The following C16orf86 variants were observed in gnomAD, a reference collection of about 807,000 sequenced individuals.
The protein encoded by C16orf86 is uncharacterized protein C16orf86.
Under a neutral mutation model 21.5 loss-of-function variants are expected in C16orf86, and 19 were observed. The ratio of observed to expected loss-of-function variants is 0.88; its 90% confidence interval spans 0.62 to 1.30. C16orf86 has a LOEUF of 1.30. C16orf86 is among the 50% of genes most tolerant of loss of function. The pLI is 0.00. For synonymous variants in C16orf86, 188 were observed against 183.5 expected, an observed-to-expected ratio of 1.02 and a Z score of -0.20; for missense variants, 391 against 415.8, an observed-to-expected ratio of 0.94 and a Z score of 0.52.
At chr16:67,667,102 A>T (rs764018602) in intron 1 of C16orf86, 30 bp downstream of exon 1, 1 of 1,452,688 alleles carries the variant, frequency 6.9e-7, no homozygotes, top group African/African-American at 1.4e-5. Context: ...ACCTTCAAAC[A>T]CAGGGCCGCA....
At position 67,668,044 on chromosome 16, in the gene C16orf86, C is replaced by G; in HGVS notation, c.499C>G (p.Leu167Val). The change falls in exon 3 of 4, where the codon CTC becomes GTC. Residue 167 changes from leucine to valine, a missense_variant. Leu to Val is a conservative substitution (Grantham distance 32). Transcript: ENST00000403458. ...GCGCAAGAGCCTGGGGGCTCCCGTG[C>G]TCCACGCTGTGGCCAGCATGGTGTC... ...KKRKSLGAPV[L>V]HAVASMVSAP... 1 of 1,612,838 alleles carries G rather than the reference C, an allele frequency of 6.2e-7. No homozygotes were observed. Among genetic ancestry groups the G allele is most frequent in the Non-Finnish European group, 8.5e-7 (1 of 1,179,682 alleles).
In C16orf86 at chr16:67,668,236, T is replaced by C. The variant is rs762911266; in HGVS notation, c.590T>C (p.Val197Ala). The change falls in exon 4 of 4, where the codon GTC becomes GCC. Residue 197 changes from valine to alanine, a missense_variant. Val to Ala is a moderately conservative substitution (Grantham distance 64). Transcript: ENST00000403458. ...AQRLRPLYQY[V>A]NYCNPELNQA... ...CGCCTGCGGCCGCTGTACCAGTACG[T>C]CAACTATTGCAACCCTGAGCTGAAC... 5.6e-6 allele frequency: 9 copies of C among 1,593,888 alleles called. No homozygotes were observed. The highest frequency in any genetic ancestry group is 6.8e-6 in the Non-Finnish European group (8 of 1,169,404).
chr16:67,667,310 A>T lies in C16orf86; in HGVS notation c.117A>T (p.Gly39=), dbSNP rs763006890. ...GTCATCTCTAGTGTCCAGTGGCGGGAGACCAGTTCCTGGTGCCTGCCCATG... is the reference window on the plus strand; with the variant it reads ...GTCATCTCTAGTGTCCAGTGGCGGGTGACCAGTTCCTGGTGCCTGCCCATG... The part of the protein sequence containing the change: ...SAQTSECPVA[G]DQFLVPAHEA... Residue 39 remains glycine, a synonymous_variant, in exon 2 of 4, where the codon GGA becomes GGT. Transcript: ENST00000403458. 8 of 1,603,440 alleles carry T rather than the reference A, an allele frequency of 5.0e-6. No homozygotes were observed. The highest frequency in any genetic ancestry group is 6.0e-6 in the Non-Finnish European group (7 of 1,176,402).
chr16:67,667,292 C>A lies in C16orf86; in HGVS notation c.103-4C>A, dbSNP rs760818364. 1.9e-6 allele frequency: 3 copies of A among 1,612,534 alleles called. No individual in the cohort carries two copies. ...GTGACCGATGGCCTGTGTGTCATCT[C>A]TAGTGTCCAGTGGCGGGAGACCAGT... On this transcript the variant is annotated splice_region_variant and splice_polypyrimidine_tract_variant and intron_variant, in intron 1 of 3. Transcript: ENST00000403458.
rs200985222 is a variant in C16orf86 at position 67,667,378 on chromosome 16, C to T, written c.185C>T (p.Ala62Val). Reference sequence around the variant, plus strand: ...AGTGAAGACCAGCGCCCAGCAGGCGCAGCTTCGGAGTCGGAGCTCCAGGAG... The same window carrying T: ...AGTGAAGACCAGCGCCCAGCAGGCGTAGCTTCGGAGTCGGAGCTCCAGGAG... ...TQSEDQRPAG[A>V]ASESELQEEG... Residue 62 changes from alanine (A) to valine (V), a missense_variant, in exon 2 of 4, where the codon GCA (alanine) becomes GTA (valine). Physicochemically the swap from Ala to Val is moderately conservative, Grantham distance 64. Coordinates refer to ENST00000403458, the MANE Select transcript of C16orf86 (RefSeq NM_001012984.3). 6.8e-6 allele frequency: 11 copies of T among 1,612,682 alleles called. No individual in the cohort carries two copies. The Admixed American group carries it at 1.3e-4, about 20-fold the overall frequency.
In C16orf86 at chr16:67,667,428, C is replaced by A. The variant is rs1460799388; in HGVS notation, c.235C>A (p.Arg79=). 2.5e-6 allele frequency: 4 copies of A among 1,611,946 alleles called. No homozygotes were observed. Among genetic ancestry groups the A allele is most frequent in the Non-Finnish European group, 3.4e-6 (4 of 1,179,624 alleles). ...GGAAGGACCCAAGCTGGGGGAGGAG[C>A]GGCCCAAGCCGCATGCCGGGGCGCT... The part of the protein sequence containing the change: ...QEEGPKLGEE[R]PKPHAGALEE... Residue 79 remains arginine (R), a synonymous_variant, in exon 2 of 4, where the codon CGG becomes AGG. Coordinates refer to ENST00000403458, the MANE Select transcript of C16orf86 (RefSeq NM_001012984.3).
In C16orf86 at chr16:67,667,439, G is replaced by T. The variant is rs2053119003; in HGVS notation, c.246G>T (p.Pro82=). 1.9e-6 allele frequency: 3 copies of T among 1,611,620 alleles called. No individual in the cohort carries two copies. Among genetic ancestry groups the T allele is most frequent in the Admixed American group, 1.7e-5 (1 of 59,834 alleles). ...GPKLGEERPK[P]HAGALEERGP... ...AGCTGGGGGAGGAGCGGCCCAAGCCGCATGCCGGGGCGCTAGAGGAGAGAG... is the reference window on the plus strand; with the variant it reads ...AGCTGGGGGAGGAGCGGCCCAAGCCTCATGCCGGGGCGCTAGAGGAGAGAG... The change falls in exon 2 of 4, where the codon CCG becomes CCT. Residue 82 remains proline, a synonymous_variant. Coordinates refer to ENST00000403458, the MANE Select transcript of C16orf86 (RefSeq NM_001012984.3).
In C16orf86 at chr16:67,668,375, G is replaced by A. The variant is rs2053133698; in HGVS notation, c.729G>A (p.Glu243=). The A allele has an allele frequency of 1.9e-6, 3 of 1,612,712 alleles. No individual in the cohort carries two copies. The highest frequency in any genetic ancestry group is 2.5e-6 in the Non-Finnish European group (3 of 1,179,850). ...AGGCCTTGCTGCCCTTGGCAGGTGA[G>A]CTGGGCCCAGGCCTCGCTTTGCCCT... ...QLQALLPLAG[E]LGPGLALPCP... is the part of the protein sequence containing the mutation. The change falls in exon 4 of 4, where the codon GAG becomes GAA. Residue 243 remains glutamate (E), a synonymous_variant. Coordinates refer to ENST00000403458, the MANE Select transcript of C16orf86 (RefSeq NM_001012984.3).
rs2053127878 is a variant in C16orf86 at position 67,668,008 on chromosome 16, A to G, written c.463A>G (p.Lys155Glu). The change falls in exon 3 of 4, where the codon AAA (lysine) becomes GAA (glutamate). Residue 155 changes from lysine (K) to glutamate (E), a missense_variant. Transcript: ENST00000403458. ...CTCACCATCTGCCAAACAGCACAAAAAAGCCAAGAAGCGCAAGAGCCTGGG... is the reference window on the plus strand; with the variant it reads ...CTCACCATCTGCCAAACAGCACAAAGAAGCCAAGAAGCGCAAGAGCCTGGG... ...EPSPSAKQHK[K>E]AKKRKSLGAP... 6.2e-7 allele frequency: 1 copy of G among 1,613,456 alleles called. No individual in the cohort carries two copies. Among genetic ancestry groups the G allele is most frequent in the African/African-American group, 1.3e-5 (1 of 74,944 alleles).
chr16:67,667,420 G>C lies in C16orf86; in HGVS notation c.227G>C (p.Gly76Ala). The change falls in exon 2 of 4, where the codon GGG becomes GCG. Residue 76 changes from glycine to alanine, a missense_variant. Physicochemically the swap from Gly to Ala is moderately conservative, Grantham distance 60. Transcript: ENST00000403458. Reference protein sequence around the residue: ...SELQEEGPKLGEERPKPHAGA... With the variant: ...SELQEEGPKLAEERPKPHAGA... ...CTCCAGGAGGAAGGACCCAAGCTGG[G>C]GGAGGAGCGGCCCAAGCCGCATGCC... 6.2e-7 allele frequency: 1 copy of C among 1,612,380 alleles called. No individual in the cohort carries two copies. The highest frequency in any genetic ancestry group is 1.1e-5 in the South Asian group (1 of 91,074).
At chr16:67,667,670 C>G in intron 2 of C16orf86, 145 bp downstream of exon 2, 2 of 1,539,300 alleles carry the variant, frequency 1.3e-6, no homozygotes, top group Middle Eastern at 1.7e-4. Context: ...CAAGAGCCCC[C>G]GTGTAGGGAG....
rs1234666731 is a variant in C16orf86, at chr16:67,667,438, C to G, written c.245C>G (p.Pro82Arg). The change falls in exon 2 of 4, where the codon CCG (proline) becomes CGG (arginine). Residue 82 changes from proline (P) to arginine (R), a missense_variant. Coordinates refer to ENST00000403458, the MANE Select transcript of C16orf86 (RefSeq NM_001012984.3). Reference protein sequence around the residue: ...GPKLGEERPKPHAGALEERGP... With the variant: ...GPKLGEERPKRHAGALEERGP... ...AAGCTGGGGGAGGAGCGGCCCAAGC[C>G]GCATGCCGGGGCGCTAGAGGAGAGA... is the stretch of plus-strand genomic sequence containing the variant. 6.2e-7 allele frequency: 1 copy of G among 1,612,042 alleles called. No homozygotes were observed. The highest frequency in any genetic ancestry group is 8.5e-7 in the Non-Finnish European group (1 of 1,179,650).
Position 67,668,468 on chromosome 16 carries a change from TG to T in C16orf86, c.827del (p.Gly276AlafsTer7). ...PLGEEAGEEP[G>X]GLPSLGVSDH... Reference sequence around the variant, plus strand: ...TCGGAGAGGAGGCTGGAGAGGAGCCTGGGGGCTTGCCCAGCTTGGGGGTGAG... The same window carrying T: ...TCGGAGAGGAGGCTGGAGAGGAGCCTGGGGCTTGCCCAGCTTGGGGGTGAG... On this transcript the variant is annotated frameshift_variant, in exon 4 of 4. Coordinates refer to ENST00000403458, the MANE Select transcript of C16orf86 (RefSeq NM_001012984.3). LOFTEE classifies it high-confidence loss of function. 1 of 1,612,984 alleles carries T rather than the reference TG, an allele frequency of 6.2e-7. No homozygotes were observed. Among genetic ancestry groups the T allele is most frequent in the Non-Finnish European group, 8.5e-7 (1 of 1,179,752 alleles).
In C16orf86 at chr16:67,667,983, C is replaced by A. The variant is rs780866120; in HGVS notation, c.438C>A (p.Pro146=). 6.2e-7 allele frequency: 1 copy of A among 1,613,552 alleles called. No homozygotes were observed. Among genetic ancestry groups the A allele is most frequent in the Non-Finnish European group, 8.5e-7 (1 of 1,179,880 alleles). ...EEEPEDSQSE[P]SPSAKQHKKA... ...AGCCAGAGGACAGCCAGAGTGAGCC[C>A]TCACCATCTGCCAAACAGCACAAAA... is the stretch of plus-strand genomic sequence containing the variant. The change falls in exon 3 of 4, where the codon CCC becomes CCA. Residue 146 remains proline (P), a synonymous_variant. Transcript: ENST00000403458.
chr16:67,667,715 G>T (rs756212129), intron 2 of C16orf86, 163 bp from the exon 3 acceptor site: 1 of 1,524,530 alleles, frequency 6.6e-7, no homozygotes, highest in South Asian at 1.2e-5. Context: ...GCTTGTAGGG[G>T]CCTGGGCTCA....
Position 67,668,040 on chromosome 16 carries a change from C to A in C16orf86, c.495C>A (p.Pro165=). ...KAKKRKSLGA[P]VLHAVASMVS... is the part of the protein sequence containing the mutation. Reference sequence around the variant, plus strand: ...AGAAGCGCAAGAGCCTGGGGGCTCCCGTGCTCCACGCTGTGGCCAGCATGG... The same window carrying A: ...AGAAGCGCAAGAGCCTGGGGGCTCCAGTGCTCCACGCTGTGGCCAGCATGG... Residue 165 remains proline (P), a synonymous_variant, in exon 3 of 4, where the codon CCC becomes CCA. Coordinates refer to ENST00000403458, the MANE Select transcript of C16orf86 (RefSeq NM_001012984.3). The A allele has an allele frequency of 6.2e-7, 1 of 1,613,390 alleles. No homozygotes were observed. Among genetic ancestry groups the A allele is most frequent in the Non-Finnish European group, 8.5e-7 (1 of 1,179,864 alleles).
Position 67,666,917 on chromosome 16 carries a change from C to G in C16orf86, c.-54C>G. 1 of 1,266,080 alleles carries G rather than the reference C, an allele frequency of 7.9e-7. No homozygotes were observed. 78.4% of individuals were successfully genotyped at this position (1,266,080 alleles called of 1,614,324 possible). A position where few individuals can be genotyped will look rare whatever the true frequency, so the allele number is the denominator to read the frequency against. On this transcript the variant is annotated 5_prime_UTR_variant, in exon 1 of 4. Transcript: ENST00000403458. ...GGGTCAGCGCGGGGCCACCATCCAG[C>G]CCCTTGGGGCCCGCCCCAAGCAGCT...
rs1295415894 is a variant in C16orf86, at chr16:67,667,921, G to A, written c.376G>A (p.Ala126Thr). ...PGLRAHLKAEAELPPKLPLQE... is the reference protein window; with the variant it reads ...PGLRAHLKAETELPPKLPLQE... ...CCTTCGTGCCCATCTTAAGGCTGAA[G>A]CTGAGCTGCCACCCAAGCTGCCGCT... The change falls in exon 3 of 4, where the codon GCT becomes ACT. Residue 126 changes from alanine to threonine, a missense_variant. Physicochemically the swap from Ala to Thr is moderately conservative, Grantham distance 58. Coordinates refer to ENST00000403458, the MANE Select transcript of C16orf86 (RefSeq NM_001012984.3). The A allele has an allele frequency of 6.2e-7, 1 of 1,612,308 alleles. No individual in the cohort carries two copies. The highest frequency in any genetic ancestry group is 1.1e-5 in the South Asian group (1 of 91,004).
At chr16:67,667,847 G>C in intron 2 of C16orf86, 31 bp from the exon 3 acceptor site, 1 of 1,532,148 alleles carries the variant, frequency 6.5e-7, no homozygotes, top group Non-Finnish European at 8.8e-7. Context: ...CAGGGCTGGA[G>C]CCTGGCTCAA....
Sources: allele counts gnomAD v4.1 joint callset, GRCh38; gene constraint gnomAD v4.1.1; transcripts MANE v1.5; gene names NCBI Gene and HGNC (gene_info 2026-07-23, HGNC 2026-07-21).